PCDHA13: variants seen among roughly 807,000 people sequenced by gnomAD.
PCDHA13 encodes protocadherin alpha-13.
PCDHA13 carries 54 observed loss-of-function variants against 64.8 expected under a neutral mutation model. The observed-to-expected ratio is 0.83, with a 90% CI of 0.67 to 1.04. The LOEUF (loss-of-function observed/expected upper bound fraction) is 1.04. PCDHA13 is among the 50% of genes least tolerant of loss of function. PCDHA13 has a pLI of 0.00. For missense variants in PCDHA13, 1,248 were observed against 1,254.3 expected (o/e 0.99, Z 0.08); for synonymous variants, 587 against 564.4 (o/e 1.04, Z -0.57).
chr5:140,972,515 G>A (rs572041832), intron 1 of PCDHA13, among the ~76,000 whole-genome samples: 1 of 152,166 alleles, frequency 6.6e-6, no homozygotes, highest in South Asian at 2.1e-4. Flanking sequence ...TTTACCCCCA[G>A]TGAGCTTATT....
chr5:140,974,613 G>A (rs1416866366), intron 1 of PCDHA13, among the ~76,000 whole-genome samples: 2 of 152,164 alleles, frequency 1.3e-5, no homozygotes, highest in African/African-American at 4.8e-5. Flanking sequence ...CAGGGTTCAA[G>A]CGATTCTCCT....
intron 1 of PCDHA13, among the ~76,000 whole-genome samples, chr5:140,941,615 C>T (rs2093129027): frequency 6.6e-6 from 1 of 151,970 alleles, no homozygotes; most frequent in African/African-American, 2.4e-5. Context: ...GTGCCCAGCC[C>T]ATCCTGCTTC....
chr5:140,948,937 T>C (rs1309849094), intron 1 of PCDHA13, among the ~76,000 whole-genome samples: 1 of 134,978 alleles, frequency 7.4e-6, no homozygotes, highest in African/African-American at 2.6e-5. Context: ...ACATTTCTTC[T>C]AATATAAAAA....
At chr5:140,927,189 G>T in intron 1 of PCDHA13, 1 of 1,614,150 alleles carries the variant, frequency 6.2e-7, no homozygotes. Flanking sequence ...CCTACGACCT[G>T]GTGCTCGAGG....
intron 1 of PCDHA13, among the ~76,000 whole-genome samples, chr5:140,952,338 CA>C (rs55931446): frequency 8.7e-4 from 117 of 135,030 alleles, no homozygotes; most frequent in South Asian, 1.2e-3. Flanking sequence ...AACTCCATCT[CA>C]AAAAAAAAAA....
At chr5:140,886,852 G>T (rs1554182787) in intron 1 of PCDHA13, among the ~76,000 whole-genome samples, 1 of 146,470 alleles carries the variant, frequency 6.8e-6, no homozygotes, top group Non-Finnish European at 1.5e-5. Flanking sequence ...AAAAAAGAAA[G>T]GTCTTCCCAA....
At chr5:140,928,603 C>T in intron 1 of PCDHA13, 2 of 1,614,208 alleles carry the variant, frequency 1.2e-6, no homozygotes, top group Admixed American at 3.3e-5. Context: ...GGAAATTGTG[C>T]CCCGCTCTGC....
At chr5:140,905,251 A>G (rs1382207700) in intron 1 of PCDHA13, among the ~76,000 whole-genome samples, 4 of 152,174 alleles carry the variant, frequency 2.6e-5, no homozygotes, top group East Asian at 1.9e-4. Context: ...ATTCTTCCAC[A>G]TGAGGCTTGG....
chr5:140,967,192 C>T (rs2096111456), intron 1 of PCDHA13: 1 of 1,613,408 alleles, frequency 6.2e-7, no homozygotes, highest in South Asian at 1.1e-5. Context: ...TGGACATCAA[C>T]GACAACTCAC....
At chr5:140,982,900 C>G (rs1443607900) in intron 3 of PCDHA13, among the ~76,000 whole-genome samples, 1 of 151,932 alleles carries the variant, frequency 6.6e-6, no homozygotes, top group African/African-American at 2.4e-5. Flanking sequence ...ATCTGGTGGC[C>G]TTATGCACAG....
chr5:140,961,510 T>C (rs1201672141), intron 1 of PCDHA13, among the ~76,000 whole-genome samples: 1 of 152,246 alleles, frequency 6.6e-6, no homozygotes, highest in Non-Finnish European at 1.5e-5. Context: ...CTTTGTTTAA[T>C]GTCTCCACAA....
intron 1 of PCDHA13, among the ~76,000 whole-genome samples, chr5:140,918,094 T>C (rs1001602407): frequency 1.3e-5 from 2 of 152,188 alleles, no homozygotes; most frequent in East Asian, 1.9e-4. Context: ...ATTCTTTTTA[T>C]AGAGATCTTT....
intron 1 of PCDHA13, among the ~76,000 whole-genome samples, chr5:140,946,263 G>T (rs1168857420): frequency 6.6e-6 from 1 of 151,750 alleles, no homozygotes; most frequent in East Asian, 1.9e-4. Flanking sequence ...AGAAAAATGC[G>T]AATTAAAACC....
Position 140,969,468 on chromosome 5 carries a change from A to G in PCDHA13, c.2395-9481A>G, listed in dbSNP as rs1554231867. 18 of 1,486,304 alleles carry G rather than the reference A, an allele frequency of 1.2e-5. No individual in the cohort carries two copies. In the South Asian group the frequency reaches 2.5e-4, roughly 21 times the overall value. 92.1% of individuals were successfully genotyped at this position (1,486,304 alleles called of 1,614,324 possible). The stretch of plus-strand genomic sequence containing the variant: ...AAACTGAGTATATATAGTATCCACA[A>G]TTTGATCATAATCTGCTATTTCCTC... On this transcript the variant is annotated intron_variant, in intron 1 of 3. Transcript: ENST00000289272.
chr5:140,882,313 G>A lies in PCDHA13; in HGVS notation c.45G>A (p.Leu15=), dbSNP rs2059060330. The part of the protein sequence containing the change: ...WQGGPRPRQL[L]LWLLILAAWE... ...GAGGCCCAAGACCGCGGCAACTACT[G>A]CTCTGGCTTCTGATCCTCGCAGCCT... is the stretch of plus-strand genomic sequence containing the variant. Residue 15 remains leucine (L), a synonymous_variant, in exon 1 of 4, where the codon CTG becomes CTA. Transcript: ENST00000289272. 1.2e-6 allele frequency: 2 copies of A among 1,614,128 alleles called. No homozygotes were observed. Among genetic ancestry groups the A allele is most frequent in the Non-Finnish European group, 1.7e-6 (2 of 1,180,012 alleles).
chr5:140,946,806 T>A (rs965284033), intron 1 of PCDHA13, among the ~76,000 whole-genome samples: 20 of 151,184 alleles, frequency 1.3e-4, no homozygotes, highest in African/African-American at 4.6e-4. Context: ...GCAGAGAGTA[T>A]AACAGTGATT....
At chr5:140,906,340 C>T (rs1353616474) in intron 1 of PCDHA13, among the ~76,000 whole-genome samples, 1 of 152,138 alleles carries the variant, frequency 6.6e-6, no homozygotes, top group Non-Finnish European at 1.5e-5. Flanking sequence ...CTTCATACAA[C>T]CAAGAATGCA....
chr5:140,909,992 T>A (rs2074821631), intron 1 of PCDHA13, among the ~76,000 whole-genome samples: 1 of 152,192 alleles, frequency 6.6e-6, no homozygotes, highest in Non-Finnish European at 1.5e-5. Context: ...ACTAACAGCA[T>A]AAATTGTTGT....
Position 140,925,562 on chromosome 5 carries a change from G to A in PCDHA13, c.2394+40900G>A, listed in dbSNP as rs28620116. On this transcript the variant is annotated intron_variant, in intron 1 of 3. Transcript: ENST00000289272. ...ACCTAATGTAAATGACAAGTTAATG[G>A]GTGCAGCACACCAACATGGCGCATG... 5.5e-3 allele frequency among the ~76,000 whole-genome samples: 841 copies of A among 151,670 alleles called. 7 individuals carry two copies. The highest frequency in any genetic ancestry group is 0.018 in the African/African-American group (764 of 41,334).
Sources: gnomAD v4.1 joint callset for allele counts (sites outside exome capture counted in the v4.1 genomes callset) on GRCh38, gnomAD v4.1.1 for gene constraint, MANE v1.5 for transcripts, NCBI Gene and HGNC (gene_info 2026-07-23, HGNC 2026-07-21) for gene names.